Variants in ADPRM observed in about 807,000 individuals in gnomAD.
The protein encoded by ADPRM is ADP-ribose/CDP-alcohol diphosphatase, manganese dependent.
Under a neutral mutation model 27.2 loss-of-function variants are expected in ADPRM, and 17 were observed. The observed-to-expected ratio is 0.63, with a 90% confidence interval of 0.43 to 0.94. The LOEUF (loss-of-function observed/expected upper bound fraction) is 0.94, where lower values mean the gene tolerates loss of function less well. ADPRM is among the 40% of genes least tolerant of loss of function. The pLI is 0.00. For synonymous variants in ADPRM, 135 were observed against 145.3 expected, an observed-to-expected ratio of 0.93 and a Z score of 0.51; for missense variants, 337 against 412.8, an observed-to-expected ratio of 0.82 and a Z score of 1.59.
Position 10,697,635 on chromosome 17 carries a change from T to G in ADPRM, c.-50T>G, listed in dbSNP as rs527274894. 6 of 1,196,798 alleles carry G rather than the reference T, an allele frequency of 5.0e-6. No homozygotes were observed. In the Admixed American group the frequency reaches 7.8e-5, roughly 16 times the overall value. The allele number at this position is 1,196,798 out of a possible 1,614,324, so 74.1% of individuals were successfully genotyped here. A position where few individuals can be genotyped will look rare whatever the true frequency, so the allele number is the denominator to read the frequency against. On this transcript the variant is annotated 5_prime_UTR_variant, in exon 1 of 4. Coordinates refer to ENST00000379774, the MANE Select transcript of ADPRM (RefSeq NM_020233.5). ...GGTGGCGCTGTTACATAGCCCGTAGTCAGAGGCCTTTCAGCCCAGGGGCCG... is the reference window on the plus strand; with the variant it reads ...GGTGGCGCTGTTACATAGCCCGTAGGCAGAGGCCTTTCAGCCCAGGGGCCG...
intron 1 of ADPRM, chr17:10,698,077 G>C (rs1049474502): frequency 6.5e-6 from 1 of 154,934 alleles, no homozygotes; most frequent in African/African-American, 2.4e-5. Flanking sequence ...TTGCTAATTA[G>C]GATAATTTGA....
At chr17:10,706,594 G>C in intron 3 of ADPRM, 40 bp downstream of exon 3, 1 of 1,416,268 alleles carries the variant, frequency 7.1e-7, no homozygotes, top group Non-Finnish European at 9.5e-7. Flanking sequence ...ACATTTTAGA[G>C]ATTGGGAAAA....
intron 1 of ADPRM, among the ~76,000 whole-genome samples, chr17:10,699,783 C>T (rs183596784): frequency 1.3e-5 from 2 of 152,226 alleles, no homozygotes; most frequent in Admixed American, 6.5e-5. Context: ...CTGCCCGCCT[C>T]GGCCTCCCAA....
intron 3 of ADPRM, among the ~76,000 whole-genome samples, chr17:10,708,608 A>G (rs2074830570): frequency 6.6e-6 from 1 of 152,098 alleles, no homozygotes; most frequent in Admixed American, 6.5e-5. Context: ...GGTGTCATTC[A>G]AGGGTTGGAA....
At chr17:10,698,676 C>A (rs536944085) in intron 1 of ADPRM, among the ~76,000 whole-genome samples, 2 of 152,300 alleles carry the variant, frequency 1.3e-5, no homozygotes, top group South Asian at 2.1e-4. Flanking sequence ...TGTTCTCTAA[C>A]CCAGTAACGG....
At chr17:10,706,393 G>A in intron 2 of ADPRM, 45 bp from the exon 3 acceptor site, 2 of 1,365,090 alleles carry the variant, frequency 1.5e-6, no homozygotes, top group Non-Finnish European at 2.1e-6. Flanking sequence ...GTCCAAATGA[G>A]GGGAAAAATG....
intron 1 of ADPRM, chr17:10,697,994 A>T: frequency 5.9e-6 from 1 of 168,322 alleles, no homozygotes; most frequent in Non-Finnish European, 1.3e-5. Flanking sequence ...AAGTGCCAGA[A>T]TGTTGACTCC....
At position 10,705,850 on chromosome 17, in the gene ADPRM, A is replaced by C. The variant is rs1259535946; in HGVS notation, c.601+323A>C. The C allele has an allele frequency of 6.2e-6, 2 of 322,034 alleles. No homozygotes were observed. Among genetic ancestry groups the C allele is most frequent in the Non-Finnish European group, 1.2e-5 (2 of 172,810 alleles). The allele number at this position is 322,034 out of a possible 1,614,324, so 19.9% of individuals were successfully genotyped here. On this transcript the variant is annotated intron_variant, in intron 2 of 3. Transcript: ENST00000379774. This position sits in a 1 kb window ranked among gnomAD's most constrained non-coding sequence, Gnocchi z 5.4. Reference sequence around the variant, plus strand: ...ACGTGGGCAAGACAGATGATAAATGAAACAGAAACAAGATTATTTCCACGG... The same window carrying C: ...ACGTGGGCAAGACAGATGATAAATGCAACAGAAACAAGATTATTTCCACGG...
chr17:10,699,506 TTTC>T (rs1273903407), intron 1 of ADPRM, among the ~76,000 whole-genome samples: 5 of 150,352 alleles, frequency 3.3e-5, no homozygotes, highest in Admixed American at 3.3e-4. Context: ...GTTAGATATT[TTTC>T]TTTTCTTTCT....
intron 3 of ADPRM, among the ~76,000 whole-genome samples, chr17:10,706,896 A>G (rs9898817): frequency 0.45 from 68,998 of 151,858 alleles, 15,837 homozygotes; most frequent in East Asian, 0.52. Flanking sequence ...TGCATTTGTA[A>G]GAAATAATTC....
chr17:10,699,176 A>T (rs1273239369), intron 1 of ADPRM: 1 of 152,170 alleles, frequency 6.6e-6, no homozygotes, highest in Non-Finnish European at 1.5e-5. Flanking sequence ...GGCTGAGGTG[A>T]GTGGGTCACT....
rs1567581740 is a variant in ADPRM at position 10,710,928 on chromosome 17, GGT to G, written c.818_819del (p.Cys273PhefsTer8). 6.2e-7 allele frequency: 1 copy of G among 1,614,118 alleles called. No individual in the cohort carries two copies. The highest frequency in any genetic ancestry group is 8.5e-7 in the Non-Finnish European group (1 of 1,180,010). On this transcript the variant is annotated frameshift_variant, in exon 4 of 4. Transcript: ENST00000379774. LOFTEE classifies it high-confidence loss of function. ...CAGTCATTTGGTCTCATGAGTGTGT[GGT>G]GTGTTTCTTTGCTGGTCACACCCAT... ...LAVIWSHECV[V>X]CFFAGHTHDG...
In ADPRM at chr17:10,705,646, A is replaced by C; in HGVS notation, c.601+119A>C. On this transcript the variant is annotated intron_variant, in intron 2 of 3. Transcript: ENST00000379774. This position sits in a 1 kb window ranked among gnomAD's most constrained non-coding sequence, Gnocchi z 5.4. The stretch of plus-strand genomic sequence containing the variant: ...AGTATATTGTCACTTGTTCAGGGTC[A>C]GGATTTCTCACAAGCCTTCTCACAT... 1 of 1,411,460 alleles carries C rather than the reference A, an allele frequency of 7.1e-7. No homozygotes were observed. Among genetic ancestry groups the C allele is most frequent in the Non-Finnish European group, 9.4e-7 (1 of 1,066,096 alleles). 87.4% of individuals were successfully genotyped at this position (1,411,460 alleles called of 1,614,324 possible).
chr17:10,709,481 G>A (rs2074836821), intron 3 of ADPRM, among the ~76,000 whole-genome samples: 1 of 152,046 alleles, frequency 6.6e-6, no homozygotes, highest in Non-Finnish European at 1.5e-5. Flanking sequence ...GGGAAATGAG[G>A]GGGAACCAGC....
intron 1 of ADPRM, among the ~76,000 whole-genome samples, chr17:10,704,679 A>G (rs2074801929): frequency 6.6e-6 from 1 of 152,146 alleles, no homozygotes; most frequent in Non-Finnish European, 1.5e-5. Flanking sequence ...ACCTTTTGTA[A>G]ATTGTTACTC....
At chr17:10,699,142 G>C (rs146702322) in intron 1 of ADPRM, 1 of 152,124 alleles carries the variant, frequency 6.6e-6, no homozygotes, top group Non-Finnish European at 1.5e-5. Context: ...GGTGGCTCAC[G>C]CCTGTAATCC....
intron 3 of ADPRM, among the ~76,000 whole-genome samples, chr17:10,709,401 T>A (rs997619474): frequency 9.9e-5 from 15 of 151,980 alleles, no homozygotes; most frequent in Non-Finnish European, 2.2e-4. Context: ...CACTAAGAGA[T>A]CACCAGTGCA....
intron 2 of ADPRM, 24 bp from the exon 3 acceptor site, chr17:10,706,414 G>A (rs1218864788): frequency 2.0e-6 from 3 of 1,530,520 alleles, no homozygotes; most frequent in Non-Finnish European, 2.7e-6. Flanking sequence ...ACTTGATGGG[G>A]CTAACTTACT....
intron 3 of ADPRM, among the ~76,000 whole-genome samples, chr17:10,707,891 G>A (rs1216131987): frequency 6.6e-6 from 1 of 152,242 alleles, no homozygotes; most frequent in African/African-American, 2.4e-5. Flanking sequence ...GCATGGGCAC[G>A]TGAAAACATA....
Sources: gnomAD v4.1 joint callset for allele counts (sites outside exome capture counted in the v4.1 genomes callset) on GRCh38, gnomAD v4.1.1 for gene constraint, Gnocchi (gnomAD v3.1) non-coding constraint, MANE v1.5 for transcripts, NCBI Gene and HGNC (gene_info 2026-07-23, HGNC 2026-07-21) for gene names.